The following FSTL4 variants were observed in gnomAD, a reference collection of about 807,000 sequenced individuals.
FSTL4 encodes the protein follistatin-related protein 4.
FSTL4 carries 28 observed loss-of-function variants against 78.2 expected under a neutral mutation model. The observed-to-expected ratio is 0.36, with a 90% CI of 0.27 to 0.49. FSTL4 has a LOEUF of 0.49. FSTL4 is among the 20% of genes least tolerant of loss of function. FSTL4 has a pLI of 0.98. For missense variants in FSTL4, 922 were observed against 1,084.9 expected (o/e 0.85, Z 2.11); for synonymous variants, 422 against 440.5 (o/e 0.96, Z 0.53).
intron 6 of FSTL4, among the ~76,000 whole-genome samples, chr5:133,278,709 G>A (rs1752944134): frequency 6.6e-6 from 1 of 152,214 alleles, no homozygotes; most frequent in Admixed American, 6.5e-5. Flanking sequence ...AGAGGGACAT[G>A]TTCCTCCCTA....
At chr5:133,767,136 A>G in the FSTL4 span, among the ~76,000 whole-genome samples, 1 of 152,202 alleles carries the variant, frequency 6.6e-6, no homozygotes. Flanking sequence ...CCTGAAGGCT[A>G]CCAGAGTTAA....
At chr5:133,796,371 G>A in the FSTL4 span, among the ~76,000 whole-genome samples, 1 of 152,220 alleles carries the variant, frequency 6.6e-6, no homozygotes, top group Non-Finnish European at 1.5e-5. Context: ...CTGCCTTTCT[G>A]CAAGGGCAGA....
At chr5:133,635,518 C>T in the FSTL4 span, among the ~76,000 whole-genome samples, 21 of 152,066 alleles carry the variant, frequency 1.4e-4, no homozygotes, top group African/African-American at 2.7e-4. Context: ...AATCCCAGCA[C>T]GTTGGGAGGC....
the FSTL4 span, among the ~76,000 whole-genome samples, chr5:133,738,319 G>A: frequency 6.6e-6 from 1 of 152,338 alleles, no homozygotes; most frequent in Admixed American, 6.5e-5. Flanking sequence ...TTGTTTGTGT[G>A]TCTGTGTTTT....
the FSTL4 span, among the ~76,000 whole-genome samples, chr5:133,803,288 G>A: frequency 0.3 from 44,829 of 151,952 alleles, 6,990 homozygotes; most frequent in African/African-American, 0.38. Flanking sequence ...ACATACCTGA[G>A]CAAACTCACC....
the FSTL4 span, among the ~76,000 whole-genome samples, chr5:133,635,349 T>C: frequency 6.6e-6 from 1 of 152,220 alleles, no homozygotes; most frequent in Non-Finnish European, 1.5e-5. Context: ...TTAATAACAG[T>C]AGGTCTTGAT....
the FSTL4 span, among the ~76,000 whole-genome samples, chr5:133,683,507 T>C: frequency 2.8e-4 from 43 of 152,238 alleles, no homozygotes; most frequent in Non-Finnish European, 5.0e-4. Flanking sequence ...ACCATATAAA[T>C]CAAACTTGCC....
At chr5:133,614,936 T>A (rs532994646), upstream of FSTL4, among the ~76,000 whole-genome samples, 28 of 152,298 alleles carry the variant, frequency 1.8e-4, no homozygotes, top group African/African-American at 6.7e-4. Flanking sequence ...AACCCAAATA[T>A]TTTTTTACGT....
chr5:133,371,608 C>T (rs755833690), intron 4 of FSTL4, among the ~76,000 whole-genome samples: 11 of 152,120 alleles, frequency 7.2e-5, no homozygotes, highest in Non-Finnish European at 1.2e-4. Flanking sequence ...TAAAGTAATG[C>T]GGAATGTGTC....
At chr5:133,462,882 A>T (rs1032044896) in intron 3 of FSTL4, among the ~76,000 whole-genome samples, 1 of 152,172 alleles carries the variant, frequency 6.6e-6, no homozygotes, top group African/African-American at 2.4e-5. Context: ...TAACCTAGAG[A>T]GCAGGTGACC....
chr5:133,759,515 A>T, the FSTL4 span, among the ~76,000 whole-genome samples: 5 of 152,226 alleles, frequency 3.3e-5, no homozygotes, highest in African/African-American at 1.2e-4. Flanking sequence ...TTATTATGGC[A>T]ATGTTTGTAA....
the FSTL4 span, among the ~76,000 whole-genome samples, chr5:133,704,874 G>A: frequency 2.0e-5 from 3 of 152,282 alleles, no homozygotes; most frequent in East Asian, 1.9e-4. Context: ...TCTAAGATGC[G>A]ACACCAACAG....
At chr5:133,410,484 C>T (rs912790308) in intron 3 of FSTL4, among the ~76,000 whole-genome samples, 5 of 152,352 alleles carry the variant, frequency 3.3e-5, no homozygotes, top group Non-Finnish European at 1.5e-5. Flanking sequence ...AAGGCCGTGA[C>T]ACCCCAGGCT....
At chr5:133,310,678 C>T (rs374438996) in intron 6 of FSTL4, among the ~76,000 whole-genome samples, 13 of 152,336 alleles carry the variant, frequency 8.5e-5, no homozygotes, top group African/African-American at 3.1e-4. Context: ...GTATGCCCCA[C>T]AAATCCCTGA....
intron 3 of FSTL4, among the ~76,000 whole-genome samples, chr5:133,523,075 G>T (rs185590): frequency 2.6e-5 from 4 of 151,144 alleles, no homozygotes; most frequent in South Asian, 4.2e-4. Context: ...GGTAATTAAC[G>T]TAAAATGAGG....
At position 133,220,775 on chromosome 5, in the gene FSTL4, T is replaced by C. The variant is rs774687175; in HGVS notation, c.1431A>G (p.Lys477=). 9.3e-5 allele frequency: 149 copies of C among 1,604,716 alleles called. No homozygotes were observed. Among genetic ancestry groups the C allele is most frequent in the Non-Finnish European group, 1.2e-4 (139 of 1,171,550 alleles). Reference sequence around the variant, plus strand: ...AGCTCATGAAAATCTTTTCCGTGGGTTTGAGGTGCCTCTGGATCTCACAGT... The same window carrying C: ...AGCTCATGAAAATCTTTTCCGTGGGCTTGAGGTGCCTCTGGATCTCACAGT... ...PVDCEIQRHL[K]PTEKIFMSYE... is the part of the protein sequence containing the mutation. Residue 477 remains lysine, a synonymous_variant, in exon 12 of 16, where the codon AAA becomes AAG. Transcript: ENST00000265342.
At chr5:133,749,180 A>G in the FSTL4 span, among the ~76,000 whole-genome samples, 5 of 152,338 alleles carry the variant, frequency 3.3e-5, no homozygotes, top group Admixed American at 2.6e-4. Flanking sequence ...GCAGTGATGA[A>G]TGAACATCAG....
the FSTL4 span, among the ~76,000 whole-genome samples, chr5:133,628,890 A>G: frequency 0.44 from 56,901 of 127,898 alleles, 14,129 homozygotes; most frequent in African/African-American, 0.6. Flanking sequence ...TGAGACAATG[A>G]TGTTTTCTAA....
the FSTL4 span, among the ~76,000 whole-genome samples, chr5:133,778,329 A>T: frequency 1.3e-5 from 2 of 148,966 alleles, no homozygotes; most frequent in Non-Finnish European, 3.0e-5. Flanking sequence ...CGCAGAAAGG[A>T]GGTGTTTCCT....
Sources: gnomAD v4.1 joint callset for allele counts (sites outside exome capture counted in the v4.1 genomes callset) on GRCh38, gnomAD v4.1.1 for gene constraint, MANE v1.5 for transcripts, NCBI Gene and HGNC (gene_info 2026-07-23, HGNC 2026-07-21) for gene names.